The following CHLSN variants were observed in gnomAD, a reference collection of about 807,000 sequenced individuals.
CHLSN encodes cholesin, also known as protein cholesin.
At chr7:1,070,614 GCACACACGCACACAACACGCACACGGA>G in the CHLSN span, among the ~76,000 whole-genome samples, 1 of 134,906 alleles carries the variant, frequency 7.4e-6, no homozygotes, top group Non-Finnish European at 1.6e-5. Context: ...ACACATGCAT[GCACACACGCACACAACACGCACACGGA>G]CACACATGCA....
chr7:990,976 C>G, the CHLSN span, among the ~76,000 whole-genome samples: 1 of 152,022 alleles, frequency 6.6e-6, no homozygotes, highest in African/African-American at 2.4e-5. Context: ...TACAGGGGAC[C>G]CTTGTGCCCC....
the CHLSN span, among the ~76,000 whole-genome samples, chr7:1,036,561 G>A: frequency 6.6e-6 from 1 of 152,140 alleles, no homozygotes; most frequent in East Asian, 1.9e-4. Flanking sequence ...TATTCAGGGT[G>A]CAGGGTGTTG....
At chr7:1,015,676 G>T in the CHLSN span, among the ~76,000 whole-genome samples, 1 of 152,206 alleles carries the variant, frequency 6.6e-6, no homozygotes, top group East Asian at 1.9e-4. Flanking sequence ...GGGTTGGTGG[G>T]CGGGGCCAGG....
At chr7:1,027,741 G>C in the CHLSN span, among the ~76,000 whole-genome samples, 1 of 152,236 alleles carries the variant, frequency 6.6e-6, no homozygotes, top group Non-Finnish European at 1.5e-5. Context: ...AGCGCCCGAC[G>C]GGGTCCTCTA....
At chr7:1,117,033 AC>A in the CHLSN span, among the ~76,000 whole-genome samples, 2 of 93,896 alleles carry the variant, frequency 2.1e-5, no homozygotes, top group African/African-American at 6.5e-5. Context: ...CTACAGTTCT[AC>A]GGACCGGCTT....
the CHLSN span, among the ~76,000 whole-genome samples, chr7:1,080,564 T>A: frequency 2.6e-5 from 4 of 151,670 alleles, no homozygotes; most frequent in East Asian, 7.8e-4. Flanking sequence ...GGCAGAGGAG[T>A]CTGGAACAGG....
chr7:1,034,522 G>C, the CHLSN span, among the ~76,000 whole-genome samples: 2 of 152,178 alleles, frequency 1.3e-5, no homozygotes, highest in East Asian at 1.9e-4. Context: ...CGGGACATCG[G>C]ACAGCTGTGG....
the CHLSN span, among the ~76,000 whole-genome samples, chr7:1,042,000 G>A: frequency 4.6e-5 from 7 of 152,306 alleles, no homozygotes; most frequent in East Asian, 1.9e-4. Context: ...CGTGAGACAC[G>A]CGGCTGCATC....
the CHLSN span, among the ~76,000 whole-genome samples, chr7:1,095,726 C>T: frequency 1.3e-5 from 2 of 152,236 alleles, no homozygotes; most frequent in Non-Finnish European, 2.9e-5. Flanking sequence ...AGTCACTGCT[C>T]GAAGCCTTAA....
At chr7:997,582 G>A in the CHLSN span, 2 of 1,435,884 alleles carry the variant, frequency 1.4e-6, no homozygotes, top group Non-Finnish European at 1.8e-6. Flanking sequence ...GTGGTCTGAG[G>A]CAGCCCTGCA....
chr7:1,073,715 CCCCCG>C, the CHLSN span, among the ~76,000 whole-genome samples: 1 of 131,684 alleles, frequency 7.6e-6, no homozygotes, highest in Admixed American at 7.5e-5. Flanking sequence ...TGCAGTGACG[CCCCCG>C]ACCCCTCACC....
At chr7:986,481 G>T in the CHLSN span, 3 of 929,440 alleles carry the variant, frequency 3.2e-6, no homozygotes, top group Admixed American at 2.4e-5. Flanking sequence ...GAGGGCTAAG[G>T]GTCCCCCCGT....
the CHLSN span, chr7:1,010,004 T>G: frequency 3.8e-6 from 6 of 1,599,218 alleles, no homozygotes; most frequent in Non-Finnish European, 5.1e-6. Context: ...AGGCGGGTGC[T>G]GGGCCACAAG....
At chr7:1,058,318 C>T in the CHLSN span, 1 of 776,754 alleles carries the variant, frequency 1.3e-6, no homozygotes, top group Non-Finnish European at 2.4e-6. Context: ...CCCGTGGACG[C>T]ACACTACCTG....
the CHLSN span, chr7:1,093,124 G>A: frequency 1.6e-6 from 1 of 640,460 alleles, no homozygotes; most frequent in Non-Finnish European, 3.0e-6. Context: ...TGACCAGCCT[G>A]TCACCCAGCT....
chr7:1,015,031 G>C, the CHLSN span, among the ~76,000 whole-genome samples: 1 of 152,228 alleles, frequency 6.6e-6, no homozygotes, highest in East Asian at 1.9e-4. Context: ...CCGCGTTGCC[G>C]GGCAGGGCCT....
At chr7:1,119,882 A>AC in the CHLSN span, among the ~76,000 whole-genome samples, 18 of 144,774 alleles carry the variant, frequency 1.2e-4, no homozygotes, top group African/African-American at 4.6e-4. Context: ...CGTCAAAAAA[A>AC]AAAAAAAGGG....
the CHLSN span, among the ~76,000 whole-genome samples, chr7:1,050,111 C>T: frequency 2.6e-5 from 4 of 152,248 alleles, no homozygotes; most frequent in Non-Finnish European, 4.4e-5. Context: ...AGTGTGAGAC[C>T]TGCTGTCAGC....
At chr7:1,121,121 C>G in the CHLSN span, among the ~76,000 whole-genome samples, 2 of 152,220 alleles carry the variant, frequency 1.3e-5, no homozygotes, top group African/African-American at 4.8e-5. Flanking sequence ...GCTGCCTACG[C>G]GGGCTTCAGG....
Sources: allele counts gnomAD v4.1 joint callset (sites outside exome capture counted in the v4.1 genomes callset), GRCh38; gene constraint gnomAD v4.1.1; transcripts MANE v1.5; gene names NCBI Gene and HGNC (gene_info 2026-07-23, HGNC 2026-07-21).